SYT9: variants seen among roughly 807,000 people sequenced by gnomAD.
SYT9 encodes the protein synaptotagmin 9.
A neutral mutation model predicts 48.4 loss-of-function variants in SYT9; 22 were observed. The ratio of observed to expected loss-of-function variants is 0.45; its 90% confidence interval spans 0.32 to 0.65. The LOEUF is 0.65. Ranked by LOEUF, SYT9 falls within the 30% of genes least tolerant of loss-of-function variation. The probability of loss-of-function intolerance (pLI) is 0.03; values close to 1 mark genes in which losing one functional copy is unlikely to be tolerated. For synonymous variants in SYT9, 265 were observed against 245.0 expected, an observed-to-expected ratio of 1.08 and a Z score of -0.76; for missense variants, 577 against 622.0, an observed-to-expected ratio of 0.93 and a Z score of 0.77.
chr11:7,455,990 C>T (rs1057100144), intron 6 of SYT9, among the ~76,000 whole-genome samples: 2 of 152,282 alleles, frequency 1.3e-5, no homozygotes, highest in South Asian at 4.2e-4. Flanking sequence ...ATTTTAGGTG[C>T]CACCTCCTCC....
At chr11:7,364,830 G>A (rs1006364389) in intron 3 of SYT9, among the ~76,000 whole-genome samples, 18 of 152,234 alleles carry the variant, frequency 1.2e-4, no homozygotes, top group Non-Finnish European at 1.3e-4. Context: ...ATAGAATTTG[G>A]GGTCAGATTC....
At chr11:7,432,584 TATATATAC>T (rs1417817063) in intron 6 of SYT9, among the ~76,000 whole-genome samples, 234 of 3,546 alleles carry the variant, frequency 0.066, 14 homozygotes, top group Non-Finnish European at 0.078. Context: ...AAAAAAAAAA[TATATATAC>T]ATATATATAT....
intron 3 of SYT9, among the ~76,000 whole-genome samples, chr11:7,324,156 T>A (rs11041316): frequency 0.21 from 31,498 of 151,814 alleles, 3,696 homozygotes; most frequent in Non-Finnish European, 0.27. Context: ...TTTTGGTGAT[T>A]TAGATTTTTC....
intron 3 of SYT9, among the ~76,000 whole-genome samples, chr11:7,358,283 T>C (rs1041538111): frequency 6.6e-6 from 1 of 152,080 alleles, no homozygotes; most frequent in African/African-American, 2.4e-5. Flanking sequence ...AAAGTTATGG[T>C]TTTTTTGGCT....
At chr11:7,314,062 T>C in intron 3 of SYT9, 121 bp downstream of exon 3, 1 of 1,165,070 alleles carries the variant, frequency 8.6e-7, no homozygotes, top group Non-Finnish European at 1.2e-6. Flanking sequence ...ATGTAGCAGT[T>C]ATTTCAGAAC....
chr11:7,323,931 C>T (rs925725692), intron 3 of SYT9, among the ~76,000 whole-genome samples: 6 of 151,712 alleles, frequency 4.0e-5, no homozygotes, highest in Non-Finnish European at 8.8e-5. Context: ...TAAAGGTGTA[C>T]AAGCCTTAAA....
At chr11:7,378,118 C>CAA (rs3086248) in intron 3 of SYT9, among the ~76,000 whole-genome samples, 69,870 of 143,444 alleles carry the variant, frequency 0.49, 17,025 homozygotes, top group East Asian at 0.6. Flanking sequence ...TTCAAAGATA[C>CAA]AAAAAAAAAA....
At chr11:7,443,895 G>T (rs1314005430) in intron 6 of SYT9, among the ~76,000 whole-genome samples, 1 of 152,232 alleles carries the variant, frequency 6.6e-6, no homozygotes, top group African/African-American at 2.4e-5. Context: ...CTTCTATAGA[G>T]AATTTGGTCA....
chr11:7,303,377 A>T lies in SYT9; in HGVS notation c.484A>T (p.Thr162Ser). The change falls in exon 2 of 7, where the codon ACC (threonine) becomes TCC (serine). Residue 162 changes from threonine to serine, a missense_variant. Coordinates refer to ENST00000318881, the MANE Select transcript of SYT9 (RefSeq NM_175733.4). The stretch of plus-strand genomic sequence containing the variant: ...CGTGCAGCGCCAAGTCACAGAGCCA[A>T]CCTCGTCGGCCCGGTCAGTAATGCC... The part of the protein sequence containing the change: ...VRVQRQVTEP[T>S]SSARHNSIRR... The T allele has an allele frequency of 6.2e-7, 1 of 1,608,202 alleles. No individual in the cohort carries two copies. The highest frequency in any genetic ancestry group is 8.5e-7 in the Non-Finnish European group (1 of 1,178,094).
At chr11:7,302,581 C>T (rs370238472) in intron 1 of SYT9, among the ~76,000 whole-genome samples, 1 of 152,156 alleles carries the variant, frequency 6.6e-6, no homozygotes, top group East Asian at 1.9e-4. Flanking sequence ...TCTAGTTTCT[C>T]GTATTTTAAA....
intron 1 of SYT9, among the ~76,000 whole-genome samples, chr11:7,302,615 C>T (rs972210067): frequency 1.3e-5 from 2 of 152,186 alleles, no homozygotes. Context: ...CACAATTCCC[C>T]AATTATATTA....
chr11:7,255,142 GT>G (rs1474780848), intron 1 of SYT9, among the ~76,000 whole-genome samples: 2 of 152,198 alleles, frequency 1.3e-5, no homozygotes, highest in Admixed American at 6.5e-5. Context: ...TGCTCTGTTG[GT>G]TGCCTTTATG....
chr11:7,355,847 A>T (rs1404161744), intron 3 of SYT9, among the ~76,000 whole-genome samples: 3 of 152,138 alleles, frequency 2.0e-5, no homozygotes, highest in African/African-American at 7.2e-5. Flanking sequence ...TACTGCTTGC[A>T]TTTCTCATGC....
intron 6 of SYT9, chr11:7,437,871 A>AAT (rs1378079859): frequency 6.6e-6 from 1 of 152,238 alleles, no homozygotes; most frequent in Non-Finnish European, 1.5e-5. Flanking sequence ...ATTAAAGAAA[A>AAT]ATGCTGTGCA....
chr11:7,452,765 T>C (rs913328375), intron 6 of SYT9, among the ~76,000 whole-genome samples: 2 of 152,062 alleles, frequency 1.3e-5, no homozygotes, highest in Admixed American at 1.3e-4. Flanking sequence ...TTTGGGCTTC[T>C]AGGAACAGAA....
intron 3 of SYT9, among the ~76,000 whole-genome samples, chr11:7,375,775 A>G (rs1176760230): frequency 6.6e-6 from 1 of 152,010 alleles, no homozygotes; most frequent in Non-Finnish European, 1.5e-5. Context: ...GTATCCTGAG[A>G]CTTTGCTGAA....
intron 6 of SYT9, among the ~76,000 whole-genome samples, chr11:7,437,231 A>C (rs1435924099): frequency 6.6e-6 from 1 of 152,198 alleles, no homozygotes; most frequent in Non-Finnish European, 1.5e-5. Context: ...CTTTAGTGTT[A>C]AGAATGTAAG....
chr11:7,371,720 A>G (rs1337554673), intron 3 of SYT9, among the ~76,000 whole-genome samples: 3 of 152,118 alleles, frequency 2.0e-5, no homozygotes, highest in East Asian at 3.8e-4. Flanking sequence ...TCTGACTTCT[A>G]TCACTGTGAT....
chr11:7,268,874 T>C (rs2133883217), intron 1 of SYT9, among the ~76,000 whole-genome samples: 1 of 152,252 alleles, frequency 6.6e-6, no homozygotes, highest in South Asian at 2.1e-4. Context: ...AGTTTCCTCA[T>C]ATCCATTCTC....
Sources: gnomAD v4.1 joint callset for allele counts (sites outside exome capture counted in the v4.1 genomes callset) on GRCh38, gnomAD v4.1.1 for gene constraint, MANE v1.5 for transcripts, NCBI Gene and HGNC (gene_info 2026-07-23, HGNC 2026-07-21) for gene names.